The following GLRB variants were observed in gnomAD, a reference collection of about 807,000 sequenced individuals.
The protein encoded by GLRB is glycine receptor beta, also known as glycine receptor subunit beta.
GLRB carries 33 observed loss-of-function variants against 54.2 expected under a neutral mutation model. That is an observed-to-expected ratio of 0.61 (90% CI 0.46 to 0.81). The LOEUF (loss-of-function observed/expected upper bound fraction) is 0.81. Among genes scored for constraint, GLRB ranks in the 40% least tolerant of loss-of-function variants. The pLI is 0.00. For missense variants in GLRB, 572 were observed against 584.6 expected, an observed-to-expected ratio of 0.98 and a Z score of 0.22; for synonymous variants, 209 against 208.2, an observed-to-expected ratio of 1.00 and a Z score of -0.03.
At chr4:157,115,869 A>G (rs1735590899) in intron 2 of GLRB, among the ~76,000 whole-genome samples, 1 of 151,782 alleles carries the variant, frequency 6.6e-6, no homozygotes. Flanking sequence ...GCGCAGCCCC[A>G]CACTTACTAC....
chr4:157,127,765 T>A (rs1736066880), intron 4 of GLRB, among the ~76,000 whole-genome samples: 1 of 151,768 alleles, frequency 6.6e-6, no homozygotes, highest in African/African-American at 2.4e-5. Context: ...CTCTAGGAGC[T>A]GAAGAAGCCA....
chr4:157,078,828 G>T (rs908340371), intron 2 of GLRB, among the ~76,000 whole-genome samples: 5 of 152,068 alleles, frequency 3.3e-5, no homozygotes, highest in Admixed American at 2.0e-4. Flanking sequence ...CTGGAGTGCA[G>T]TGGCACAATT....
chr4:157,079,826 C>A (rs915008243), intron 2 of GLRB, among the ~76,000 whole-genome samples: 1 of 152,116 alleles, frequency 6.6e-6, no homozygotes, highest in East Asian at 1.9e-4. Context: ...TTTAGATATT[C>A]TTTCTATTAC....
intron 4 of GLRB, among the ~76,000 whole-genome samples, chr4:157,124,870 T>C (rs1735961258): frequency 6.6e-6 from 1 of 151,928 alleles, no homozygotes; most frequent in African/African-American, 2.4e-5. Context: ...CATTTTATCA[T>C]AATTATTCTT....
chr4:157,126,347 T>C (rs1235382010), intron 4 of GLRB, among the ~76,000 whole-genome samples: 2 of 151,866 alleles, frequency 1.3e-5, no homozygotes, highest in Non-Finnish European at 1.5e-5. Flanking sequence ...CTTAAGGTCT[T>C]CCATATCTCT....
chr4:157,145,706 G>A (rs1736781571), intron 8 of GLRB, among the ~76,000 whole-genome samples: 1 of 152,172 alleles, frequency 6.6e-6, no homozygotes. Context: ...TATATCATAT[G>A]TAAGATAGTG....
chr4:157,171,623 AAAAG>A lies in GLRB; in HGVS notation c.*899_*902del, dbSNP rs1737926141. On this transcript the variant is annotated 3_prime_UTR_variant, in exon 10 of 10. Transcript: ENST00000264428. ...AAACCAAGGGGAAGTAATAAGTTGA[AAAAG>A]AAATCCATAACTATTAAAAGATTTT... is the stretch of plus-strand genomic sequence containing the variant. 6.6e-6 allele frequency: 1 copy of A among 152,374 alleles called. No homozygotes were observed. Among genetic ancestry groups the A allele is most frequent in the Non-Finnish European group, 1.5e-5 (1 of 67,818 alleles). The allele number at this position is 152,374 out of a possible 1,614,324, so 9.4% of individuals were successfully genotyped here. A position where few individuals can be genotyped will look rare whatever the true frequency, so the allele number is the denominator to read the frequency against.
rs747170836 is a variant in GLRB, at chr4:157,170,602, C to G, written c.1368C>G (p.Asn456Lys). ...NGLGKSQAKNNKKPPPAKPVI... is the reference protein window; with the variant it reads ...NGLGKSQAKNKKKPPPAKPVI... ...TTGGGAAATCTCAGGCTAAGAACAA[C>G]AAGAAGCCTCCCCCTGCGAAACCTG... Residue 456 changes from asparagine (N) to lysine (K), a missense_variant, in exon 10 of 10, where the codon AAC becomes AAG. Asn to Lys is a moderately conservative substitution (Grantham distance 94). Transcript: ENST00000264428. The G allele has an allele frequency of 2.5e-6, 4 of 1,612,996 alleles. No individual in the cohort carries two copies. Among genetic ancestry groups the G allele is most frequent in the South Asian group, 1.1e-5 (1 of 91,052 alleles).
chr4:157,168,418 T>C (rs569966099), intron 9 of GLRB, among the ~76,000 whole-genome samples: 43 of 152,284 alleles, frequency 2.8e-4, no homozygotes, highest in Middle Eastern at 3.4e-3. Flanking sequence ...CTCATTTACT[T>C]TCATCATATA....
intron 8 of GLRB, among the ~76,000 whole-genome samples, chr4:157,151,044 A>G (rs1180989175): frequency 2.6e-5 from 4 of 152,078 alleles, no homozygotes; most frequent in Non-Finnish European, 1.5e-5. Flanking sequence ...AAGGCCTTCT[A>G]TAATCTGAAA....
chr4:157,084,895 C>T (rs541077499), intron 2 of GLRB, among the ~76,000 whole-genome samples: 10 of 152,042 alleles, frequency 6.6e-5, no homozygotes, highest in African/African-American at 1.9e-4. Context: ...TGGAAATATT[C>T]GAGACAAAGA....
At chr4:157,168,521 A>G (rs1737801531) in intron 9 of GLRB, among the ~76,000 whole-genome samples, 1 of 152,082 alleles carries the variant, frequency 6.6e-6, no homozygotes, top group Non-Finnish European at 1.5e-5. Flanking sequence ...ATTAAATACT[A>G]CCTCAAAGTC....
chr4:157,077,903 C>A, intron 1 of GLRB, 93 bp from the exon 2 acceptor site: 4 of 751,094 alleles, frequency 5.3e-6, no homozygotes, highest in Non-Finnish European at 8.9e-6. Flanking sequence ...TGTACTTGCC[C>A]TTTGGGTAGT....
In GLRB at chr4:157,170,601, A is replaced by T; in HGVS notation, c.1367A>T (p.Asn456Ile). 1 of 1,613,490 alleles carries T rather than the reference A, an allele frequency of 6.2e-7. No individual in the cohort carries two copies. The highest frequency in any genetic ancestry group is 8.5e-7 in the Non-Finnish European group (1 of 1,179,528). The stretch of plus-strand genomic sequence containing the variant: ...CTTGGGAAATCTCAGGCTAAGAACA[A>T]CAAGAAGCCTCCCCCTGCGAAACCT... ...NGLGKSQAKN[N>I]KKPPPAKPVI... Residue 456 changes from asparagine to isoleucine, a missense_variant, in exon 10 of 10, where the codon AAC (asparagine) becomes ATC (isoleucine). Coordinates refer to ENST00000264428, the MANE Select transcript of GLRB (RefSeq NM_000824.5).
intron 4 of GLRB, among the ~76,000 whole-genome samples, chr4:157,123,360 A>G (rs1735902274): frequency 2.0e-5 from 3 of 151,836 alleles, no homozygotes; most frequent in African/African-American, 4.8e-5. Context: ...CATTATTCCT[A>G]GTAGCAGCAG....
At chr4:157,100,699 G>A (rs1454137240) in intron 2 of GLRB, among the ~76,000 whole-genome samples, 3 of 152,098 alleles carry the variant, frequency 2.0e-5, no homozygotes, top group South Asian at 4.2e-4. Flanking sequence ...AAAAAACATG[G>A]AGGCAAAGCA....
intron 2 of GLRB, among the ~76,000 whole-genome samples, chr4:157,098,025 A>G (rs994406379): frequency 3.3e-5 from 5 of 152,202 alleles, no homozygotes; most frequent in African/African-American, 7.2e-5. Flanking sequence ...TTGTCTCAAA[A>G]AAAAAAAATG....
chr4:157,139,012 A>G, intron 7 of GLRB, 63 bp downstream of exon 7: 1 of 879,750 alleles, frequency 1.1e-6, no homozygotes, highest in Non-Finnish European at 1.9e-6. Context: ...ATTAATACAT[A>G]GCCAAGGGGA....
At chr4:157,127,555 G>A (rs1296421853) in intron 4 of GLRB, among the ~76,000 whole-genome samples, 4 of 151,808 alleles carry the variant, frequency 2.6e-5, no homozygotes, top group East Asian at 1.9e-4. Flanking sequence ...TGTTAAAAAG[G>A]ACATTTCAGA....
Sources: gnomAD v4.1 joint callset for allele counts (sites outside exome capture counted in the v4.1 genomes callset) on GRCh38, gnomAD v4.1.1 for gene constraint, MANE v1.5 for transcripts, NCBI Gene and HGNC (gene_info 2026-07-23, HGNC 2026-07-21) for gene names.